The following ARHGEF7 variants were observed in gnomAD, a reference collection of about 807,000 sequenced individuals.
ARHGEF7 encodes PAK-interacting exchange factor beta.
In ARHGEF7, 33 loss-of-function variants were observed where a neutral mutation model predicts 109.8. That is an observed-to-expected ratio of 0.30 (90% confidence interval 0.23 to 0.40). The LOEUF is 0.40. Ranked by LOEUF, ARHGEF7 falls within the 10% of genes least tolerant of loss-of-function variation. ARHGEF7 has a pLI of 1.00. For missense variants in ARHGEF7, 938 were observed against 1,098.5 expected, an observed-to-expected ratio of 0.85 and a Z score of 2.07; for synonymous variants, 458 against 424.6, an observed-to-expected ratio of 1.08 and a Z score of -0.97.
At chr13:111,215,598 T>G (rs919756496) in intron 4 of ARHGEF7, among the ~76,000 whole-genome samples, 7 of 152,350 alleles carry the variant, frequency 4.6e-5, no homozygotes, top group African/African-American at 1.7e-4. Flanking sequence ...ATGACTGTTC[T>G]TACCTTTCTA....
At chr13:111,276,452 A>G (rs1026770644) in intron 12 of ARHGEF7, among the ~76,000 whole-genome samples, 6 of 152,264 alleles carry the variant, frequency 3.9e-5, no homozygotes, top group Non-Finnish European at 8.8e-5. Flanking sequence ...AACCATGATT[A>G]TAAAAACTTC....
intron 1 of ARHGEF7, among the ~76,000 whole-genome samples, chr13:111,121,689 G>A (rs1240409522): frequency 6.6e-6 from 1 of 152,216 alleles, no homozygotes; most frequent in Non-Finnish European, 1.5e-5. Flanking sequence ...GGGAGGACTG[G>A]CATCCCCCGA....
At chr13:111,134,171 T>G (rs2074970138) in intron 1 of ARHGEF7, among the ~76,000 whole-genome samples, 1 of 152,182 alleles carries the variant, frequency 6.6e-6, no homozygotes, top group Non-Finnish European at 1.5e-5. Context: ...ATGTGCCACA[T>G]TTTCTTAATC....
intron 2 of ARHGEF7, among the ~76,000 whole-genome samples, chr13:111,163,383 T>G (rs1024416210): frequency 6.6e-5 from 10 of 152,192 alleles, no homozygotes; most frequent in Admixed American, 6.5e-4. Flanking sequence ...AGGCTGCTTT[T>G]CTAGTGTAGA....
intron 16 of ARHGEF7, among the ~76,000 whole-genome samples, 179 bp from the exon 17 acceptor site, chr13:111,285,968 A>G (rs1200911888): frequency 1.3e-5 from 2 of 152,200 alleles, no homozygotes; most frequent in African/African-American, 4.8e-5. Flanking sequence ...TGCCCTATTG[A>G]TTTTTAAAAA....
At chr13:111,193,502 T>C (rs983716129) in intron 2 of ARHGEF7, among the ~76,000 whole-genome samples, 1 of 152,274 alleles carries the variant, frequency 6.6e-6, no homozygotes, top group Non-Finnish European at 1.5e-5. Flanking sequence ...TGGTATTTAA[T>C]GGGGGTTCCC....
intron 1 of ARHGEF7, among the ~76,000 whole-genome samples, chr13:111,143,239 T>A (rs1335779232): frequency 6.6e-6 from 1 of 152,168 alleles, no homozygotes; most frequent in African/African-American, 2.4e-5. Flanking sequence ...GGAGGCAGCA[T>A]CCCGGCAGAG....
At chr13:111,123,211 T>C (rs1006036923) in intron 1 of ARHGEF7, among the ~76,000 whole-genome samples, 3 of 152,208 alleles carry the variant, frequency 2.0e-5, no homozygotes, top group African/African-American at 4.8e-5. Context: ...GCTTGCACTT[T>C]TCTGCACTCT....
At chr13:111,278,592 G>A (rs546300457) in intron 13 of ARHGEF7, among the ~76,000 whole-genome samples, 1 of 152,340 alleles carries the variant, frequency 6.6e-6, no homozygotes, top group South Asian at 2.1e-4. Flanking sequence ...AATCACATAT[G>A]TAGGAACAGA....
intron 2 of ARHGEF7, among the ~76,000 whole-genome samples, chr13:111,197,386 G>A (rs72653503): frequency 3.9e-4 from 60 of 152,246 alleles, no homozygotes; most frequent in African/African-American, 1.3e-3. Flanking sequence ...ACGCATTCTC[G>A]TAAAACCTGC....
intron 17 of ARHGEF7, among the ~76,000 whole-genome samples, chr13:111,287,146 G>T (rs2093054881): frequency 6.6e-6 from 1 of 152,166 alleles, no homozygotes; most frequent in Non-Finnish European, 1.5e-5. Flanking sequence ...TTCTTTTCTT[G>T]TCCTTGTCAC....
At position 111,239,674 on chromosome 13, in the gene ARHGEF7, G is replaced by A. The variant is rs1423389251; in HGVS notation, c.760-4198G>A. On this transcript the variant is annotated intron_variant, in intron 6 of 21. Transcript: ENST00000646102. This position sits in a 1 kb window ranked among gnomAD's most constrained non-coding sequence, Gnocchi z 4.3. Reference sequence around the variant, plus strand: ...ATGATGAGGGGCCCTGAGGTATCAGGGAGGGTGTGCAGCTTGTGGGATCCC... The same window carrying A: ...ATGATGAGGGGCCCTGAGGTATCAGAGAGGGTGTGCAGCTTGTGGGATCCC... 6.6e-6 allele frequency among the ~76,000 whole-genome samples: 1 copy of A among 152,048 alleles called. No homozygotes were observed. Among genetic ancestry groups the A allele is most frequent in the Non-Finnish European group, 1.5e-5 (1 of 68,014 alleles).
chr13:111,123,789 C>T (rs761221721), intron 1 of ARHGEF7, among the ~76,000 whole-genome samples: 2 of 151,932 alleles, frequency 1.3e-5, no homozygotes, highest in African/African-American at 2.4e-5. Flanking sequence ...GTGACAGGAT[C>T]GCCCCCATTT....
intron 5 of ARHGEF7, among the ~76,000 whole-genome samples, chr13:111,220,431 A>C (rs2083681332): frequency 6.6e-6 from 1 of 152,144 alleles, no homozygotes; most frequent in Non-Finnish European, 1.5e-5. Context: ...AGTGCAGGTG[A>C]GTGGGGTTTT....
Position 111,283,147 on chromosome 13 carries a change from C to T in ARHGEF7, c.1734C>T (p.Ser578=), listed in dbSNP as rs774356865. The change falls in exon 16 of 22, where the codon TCC becomes TCT. Residue 578 remains serine, a synonymous_variant. Transcript: ENST00000646102. ...CTCTGTGCCCTTGGCAGCTCCCCTC[C>T]CACCCGGTCACTCCGTCCAGCAAGC... ...PHSVPSHTLP[S]HPVTPSSKHA... is the part of the protein sequence containing the mutation. The T allele has an allele frequency of 6.9e-6, 11 of 1,586,816 alleles. No individual in the cohort carries two copies. In the South Asian group the frequency reaches 1.0e-4, roughly 15 times the overall value.
intron 19 of ARHGEF7, among the ~76,000 whole-genome samples, chr13:111,296,466 C>T (rs962493603): frequency 1.3e-5 from 2 of 151,798 alleles, no homozygotes; most frequent in Non-Finnish European, 2.9e-5. Flanking sequence ...AGACACCGAG[C>T]ATCTACAGGC....
At chr13:111,120,045 G>A (rs77843593) in intron 1 of ARHGEF7, among the ~76,000 whole-genome samples, 1,766 of 152,260 alleles carry the variant, frequency 0.012, 15 homozygotes, top group South Asian at 0.055. Context: ...TGAATAACTG[G>A]TTATATCAAG....
intron 8 of ARHGEF7, among the ~76,000 whole-genome samples, chr13:111,245,406 A>AGAT (rs2088639865): frequency 6.6e-6 from 1 of 152,190 alleles, no homozygotes; most frequent in South Asian, 2.1e-4. Flanking sequence ...GAATAAGAGA[A>AGAT]GATGACACTT....
chr13:111,155,194 A>G (rs1405220418), intron 2 of ARHGEF7, among the ~76,000 whole-genome samples: 8 of 152,196 alleles, frequency 5.3e-5, no homozygotes, highest in Admixed American at 1.3e-4. Context: ...CTGCTGATAA[A>G]AAGGGACAAC....
Sources: allele counts gnomAD v4.1 joint callset (sites outside exome capture counted in the v4.1 genomes callset), GRCh38; gene constraint gnomAD v4.1.1; non-coding constraint Gnocchi (gnomAD v3.1); transcripts MANE v1.5; gene names NCBI Gene and HGNC (gene_info 2026-07-23, HGNC 2026-07-21).